Variants in SESTD1 observed in about 807,000 individuals in gnomAD.
SESTD1 encodes SEC14 domain and spectrin repeat-containing protein 1.
SESTD1 carries 43 observed loss-of-function variants against 101.7 expected under a neutral mutation model. That is an observed-to-expected ratio of 0.42 (90% CI 0.33 to 0.55). The LOEUF is 0.55. SESTD1 is among the 20% of genes least tolerant of loss of function. The pLI is 0.07. For missense variants in SESTD1, 647 were observed against 815.1 expected (o/e 0.79, Z 2.51); for synonymous variants, 283 against 286.8 (o/e 0.99, Z 0.13).
chr2:179,177,091 G>A (rs1407178813), intron 3 of SESTD1, among the ~76,000 whole-genome samples: 1 of 152,186 alleles, frequency 6.6e-6, no homozygotes, highest in African/African-American at 2.4e-5. Flanking sequence ...GACAGACCAT[G>A]TCTAACCCAC....
At chr2:179,188,954 A>G (rs1360116936) in intron 2 of SESTD1, among the ~76,000 whole-genome samples, 1 of 152,172 alleles carries the variant, frequency 6.6e-6, no homozygotes, top group Non-Finnish European at 1.5e-5. Flanking sequence ...TACCAATCAA[A>G]AAAAGCCCTG....
In SESTD1 at chr2:179,166,701, G is replaced by A. The variant is rs188953039; in HGVS notation, c.369+5419C>T. On this transcript the variant is annotated intron_variant, in intron 5 of 17. Coordinates refer to ENST00000428443, the MANE Select transcript of SESTD1 (RefSeq NM_178123.5). ...TATACAGAAAGACTTTCTCTGAGGC[G>A]CAGGTACAAAGGAAAGACCTAGAGC... Among the ~76,000 whole-genome samples the A allele has an allele frequency of 9.1e-4, 138 of 152,284 alleles. 1 individual carries two copies. Among genetic ancestry groups the A allele is most frequent in the African/African-American group, 3.2e-3 (131 of 41,552 alleles).
chr2:179,183,209 AT>A, intron 2 of SESTD1, 21 bp from the exon 3 acceptor site: 1 of 1,497,560 alleles, frequency 6.7e-7, no homozygotes, highest in Non-Finnish European at 9.3e-7. Flanking sequence ...AGAGATTTAA[AT>A]TTAACATGTA....
intron 1 of SESTD1, among the ~76,000 whole-genome samples, chr2:179,228,107 A>G (rs2046917266): frequency 6.6e-6 from 1 of 152,204 alleles, no homozygotes. Context: ...AATCACTGAG[A>G]CAATAATCTA....
chr2:179,177,467 C>A (rs1407793047), intron 3 of SESTD1, among the ~76,000 whole-genome samples: 1 of 152,108 alleles, frequency 6.6e-6, no homozygotes, highest in East Asian at 1.9e-4. Context: ...AATAAACAGA[C>A]CTTTTCCTGG....
At chr2:179,112,914 C>T in intron 16 of SESTD1, 69 bp from the exon 17 acceptor site, 1 of 1,491,580 alleles carries the variant, frequency 6.7e-7, no homozygotes, top group South Asian at 1.4e-5. Flanking sequence ...AGGATCACCC[C>T]ACCCCACAAA....
intron 2 of SESTD1, among the ~76,000 whole-genome samples, chr2:179,183,902 GAGGT>G (rs1191733837): frequency 1.3e-5 from 2 of 150,090 alleles, no homozygotes; most frequent in Non-Finnish European, 3.0e-5. Context: ...ACGAGGAAGG[GAGGT>G]AGGGAGGGAG....
In SESTD1 at chr2:179,104,087, T is replaced by A. The variant is rs2044329435; in HGVS notation, c.*5812A>T. ...CAAGATGTTGGGTAAAAATACAGGG[T>A]GCAATGTTTACCAAATAGTTTTGCT... On this transcript the variant is annotated 3_prime_UTR_variant, in exon 18 of 18. Coordinates refer to ENST00000428443, the MANE Select transcript of SESTD1 (RefSeq NM_178123.5). The A allele has an allele frequency of 6.6e-6, 1 of 152,126 alleles. No individual in the cohort carries two copies. Among genetic ancestry groups the A allele is most frequent in the South Asian group, 2.1e-4 (1 of 4,826 alleles). 9.4% of individuals were successfully genotyped at this position (152,126 alleles called of 1,614,324 possible).
intron 9 of SESTD1, among the ~76,000 whole-genome samples, chr2:179,137,633 C>A (rs2045177684): frequency 1.3e-5 from 2 of 152,184 alleles, no homozygotes; most frequent in African/African-American, 4.8e-5. Context: ...TTAACTGTAA[C>A]AGCAGCAGCA....
intron 1 of SESTD1, among the ~76,000 whole-genome samples, chr2:179,210,603 T>C (rs2046638324): frequency 7.4e-6 from 1 of 135,326 alleles, no homozygotes. Flanking sequence ...TCTCAATAGA[T>C]GCTGAAAAAG....
intron 1 of SESTD1, among the ~76,000 whole-genome samples, chr2:179,245,487 G>A (rs1255356368): frequency 7.4e-6 from 1 of 134,928 alleles, no homozygotes; most frequent in East Asian, 2.2e-4. Context: ...CAGCACTTTA[G>A]CCTGGGCGAC....
At position 179,107,337 on chromosome 2, in the gene SESTD1, A is replaced by T. The variant is rs981382787; in HGVS notation, c.*2562T>A. 3 of 152,298 alleles carry T rather than the reference A, an allele frequency of 2.0e-5. No individual in the cohort carries two copies. Among genetic ancestry groups the T allele is most frequent in the Non-Finnish European group, 4.4e-5 (3 of 68,002 alleles). 9.4% of individuals were successfully genotyped at this position (152,298 alleles called of 1,614,324 possible). A position where few individuals can be genotyped will look rare whatever the true frequency, so the allele number is the denominator to read the frequency against. On this transcript the variant is annotated 3_prime_UTR_variant, in exon 18 of 18. Transcript: ENST00000428443. The stretch of plus-strand genomic sequence containing the variant: ...TAAAATCATACTTGGCCTCATGTGA[A>T]ACACTCAATTTACAAGTAACATTTA...
intron 9 of SESTD1, among the ~76,000 whole-genome samples, chr2:179,140,478 C>T (rs146926104): frequency 4.6e-5 from 7 of 152,102 alleles, no homozygotes; most frequent in Non-Finnish European, 1.0e-4. Flanking sequence ...ACAGAGCATT[C>T]CCTCACGGCC....
intron 11 of SESTD1, among the ~76,000 whole-genome samples, 176 bp downstream of exon 11, chr2:179,124,188 T>TA (rs1167530957): frequency 3.3e-5 from 5 of 152,170 alleles, no homozygotes; most frequent in Admixed American, 2.6e-4. Context: ...CAGAATGACT[T>TA]AAAAAATACT....
intron 5 of SESTD1, among the ~76,000 whole-genome samples, chr2:179,164,345 G>C (rs1004072462): frequency 2.0e-5 from 3 of 152,134 alleles, no homozygotes; most frequent in Non-Finnish European, 4.4e-5. Context: ...AGAGAATAAA[G>C]CAATTTAGAA....
intron 1 of SESTD1, among the ~76,000 whole-genome samples, chr2:179,250,978 C>T (rs746671291): frequency 6.6e-6 from 1 of 152,114 alleles, no homozygotes; most frequent in Non-Finnish European, 1.5e-5. Flanking sequence ...TATACATGAA[C>T]ATTTACAGCA....
chr2:179,118,130 C>CCAGCTAAAGAAA (rs2044673879), intron 13 of SESTD1, among the ~76,000 whole-genome samples: 2 of 151,868 alleles, frequency 1.3e-5, no homozygotes, highest in Non-Finnish European at 2.9e-5. Context: ...ATCACTATGC[C>CCAGCTAAAGAAA]CAGCTAAAGA....
chr2:179,137,159 A>G (rs527474427), intron 9 of SESTD1, among the ~76,000 whole-genome samples: 5 of 152,206 alleles, frequency 3.3e-5, no homozygotes, highest in Non-Finnish European at 5.9e-5. Flanking sequence ...ATCCATATCA[A>G]TGTGACCCTT....
chr2:179,235,676 A>C (rs916092057), intron 1 of SESTD1, among the ~76,000 whole-genome samples: 1 of 152,024 alleles, frequency 6.6e-6, no homozygotes, highest in African/African-American at 2.4e-5. Flanking sequence ...ACATTTCCTG[A>C]CTCCACTCAC....
Sources: allele counts gnomAD v4.1 joint callset (sites outside exome capture counted in the v4.1 genomes callset), GRCh38; gene constraint gnomAD v4.1.1; transcripts MANE v1.5; gene names NCBI Gene and HGNC (gene_info 2026-07-23, HGNC 2026-07-21).